Variants in NBPF9 observed in about 807,000 individuals in gnomAD.
The protein encoded by NBPF9 is NBPF member 9.
A neutral mutation model predicts 97.8 loss-of-function variants in NBPF9; 91 were observed. The observed-to-expected ratio is 0.93, with a 90% CI of 0.79 to 1.11. The LOEUF is 1.11. Among genes scored for constraint, NBPF9 ranks in the 50% least tolerant of loss-of-function variants. The pLI, the probability that NBPF9 is intolerant of heterozygous loss-of-function variation, is 0.00. For synonymous variants in NBPF9, 334 were observed against 359.5 expected (o/e 0.93, Z 0.80); for missense variants, 992 against 939.5 (o/e 1.06, Z -0.73).
chr1:149,053,853 C>A (rs1175121611), downstream of NBPF9, among the ~76,000 whole-genome samples: 2 of 147,050 alleles, frequency 1.4e-5, no homozygotes, highest in Non-Finnish European at 3.0e-5. Context: ...TTAACATGAG[C>A]TATACAACCC....
intron 4 of NBPF9, among the ~76,000 whole-genome samples, chr1:149,094,650 A>C (rs2081625919): frequency 6.8e-6 from 1 of 148,122 alleles, no homozygotes; most frequent in African/African-American, 2.7e-5. Context: ...GTAATTCTTT[A>C]AACAAACTTT....
chr1:149,079,954 C>T (rs1320216271), intron 8 of NBPF9, 99 bp downstream of exon 8: 5 of 930,920 alleles, frequency 5.4e-6, no homozygotes, highest in South Asian at 1.3e-5. Context: ...TTCTGCCCTT[C>T]CCCTGGCCCA....
chr1:149,060,406 A>T lies in NBPF9; in HGVS notation c.2476+117T>A. The T allele has an allele frequency of 1.0e-5, 4 of 393,106 alleles. 2 individuals are homozygous for T. The highest frequency in any genetic ancestry group is 1.9e-5 in the Non-Finnish European group (4 of 215,368). 24.4% of individuals were successfully genotyped at this position (393,106 alleles called of 1,614,324 possible). The stretch of plus-strand genomic sequence containing the variant: ...TTTCATTCAACCTACATGTGCCTAT[A>T]GGTCCTCCCTGTGGCAATGACATCT... On this transcript the variant is annotated intron_variant, in intron 24 of 29. Transcript: ENST00000584027.
chr1:149,063,164 A>T (rs1408375492), intron 20 of NBPF9, among the ~76,000 whole-genome samples: 10 of 144,110 alleles, frequency 6.9e-5, no homozygotes, highest in African/African-American at 2.7e-4. Flanking sequence ...AAGTTTGTGC[A>T]AATGGTTATG....
downstream of NBPF9, among the ~76,000 whole-genome samples, chr1:149,053,417 A>ATATC (rs2078019884): frequency 1.5e-5 from 1 of 66,260 alleles, no homozygotes; most frequent in African/African-American, 5.2e-5. Context: ...CAAGCACCTT[A>ATATC]TATCTAGTAA....
chr1:149,074,551 C>T (rs1193072864), intron 12 of NBPF9, among the ~76,000 whole-genome samples: 1 of 151,374 alleles, frequency 6.6e-6, no homozygotes, highest in Non-Finnish European at 1.5e-5. Context: ...TAATTCACTG[C>T]AGCAATTTAC....
chr1:149,073,055 G>A, intron 13 of NBPF9, 123 bp from the exon 14 acceptor site: 1 of 918,182 alleles, frequency 1.1e-6, no homozygotes, highest in South Asian at 1.4e-5. Context: ...GTCAGCACAT[G>A]TTTAAAGGAA....
chr1:149,099,111 C>T (rs1338059969), intron 3 of NBPF9, among the ~76,000 whole-genome samples: 1 of 151,828 alleles, frequency 6.6e-6, no homozygotes, highest in African/African-American at 2.4e-5. Flanking sequence ...AAGTTTTCAC[C>T]AAGTAATACT....
Position 149,055,625 on chromosome 1 carries a change from G to C in NBPF9, c.*31C>G, listed in dbSNP as rs781962746. ...ACGTGCCTATAGGTCCTGCCTGCAG[G>C]AATGACATCTCTCGGCTTAGTAAGG... On this transcript the variant is annotated 3_prime_UTR_variant, in exon 30 of 30. Coordinates refer to ENST00000584027, the Ensembl canonical transcript of NBPF9. 5.6e-6 allele frequency: 9 copies of C among 1,611,500 alleles called. No homozygotes were observed. In the African/African-American group the frequency reaches 8.0e-5, roughly 14 times the overall value.
At chr1:149,076,487 C>T (rs1275540729) in intron 11 of NBPF9, among the ~76,000 whole-genome samples, 13 of 149,516 alleles carry the variant, frequency 8.7e-5, no homozygotes, top group African/African-American at 2.9e-4. Context: ...TGAGCCAGCG[C>T]CCCTGGTCAG....
At chr1:149,080,951 A>G (rs1553656581) in intron 7 of NBPF9, among the ~76,000 whole-genome samples, 1 of 151,610 alleles carries the variant, frequency 6.6e-6, no homozygotes, top group African/African-American at 2.4e-5. Flanking sequence ...ACTTGGATGG[A>G]GCCCAGGAGA....
chr1:149,053,893 C>A (rs2078044971), downstream of NBPF9: 1 of 145,978 alleles, frequency 6.9e-6, no homozygotes, highest in South Asian at 2.2e-4. Context: ...CACACAGACA[C>A]ACACACAGAC....
chr1:149,080,479 T>C (rs1205978277), intron 7 of NBPF9, among the ~76,000 whole-genome samples: 6 of 150,478 alleles, frequency 4.0e-5, no homozygotes, highest in Non-Finnish European at 7.4e-5. Flanking sequence ...CCTTGCAGCC[T>C]CTCCTCTAAA....
In NBPF9 at chr1:149,059,722, T is replaced by G. The variant is rs77814877; in HGVS notation, c.2563A>C (p.Asn855His). 1.9e-5 allele frequency: 11 copies of G among 576,936 alleles called. 4 individuals carry two copies. The highest frequency in any genetic ancestry group is 9.9e-5 in the Admixed American group (4 of 40,556). 35.7% of individuals were successfully genotyped at this position (576,936 alleles called of 1,614,324 possible). A position where few individuals can be genotyped will look rare whatever the true frequency, so the allele number is the denominator to read the frequency against. The change falls in exon 25 of 30, where the codon AAT becomes CAT. Residue 855 changes from asparagine to histidine, a missense_variant. Physicochemically the swap from Asn to His is moderately conservative, Grantham distance 68. This residue lies in a region of NBPF9 where 397 missense variants were observed against 213.6 expected (regional missense o/e 1.86). Transcript: ENST00000584027. Reference sequence around the variant, plus strand: ...CACCTGGGGCATGGTGGGTTTTGATTTTCTTCCCCTTCTTTTCTTCCCCTT... The same window carrying G: ...CACCTGGGGCATGGTGGGTTTTGATGTTCTTCCCCTTCTTTTCTTCCCCTT...
chr1:149,079,386 G>A (rs1302324300), intron 8 of NBPF9, among the ~76,000 whole-genome samples, 165 bp from the exon 9 acceptor site: 1 of 151,750 alleles, frequency 6.6e-6, no homozygotes, highest in Non-Finnish European at 1.5e-5. Flanking sequence ...ATAGAAAATG[G>A]TTTACAGGCT....
exon 30 of NBPF9, chr1:149,055,197 C>A (rs2078125419): frequency 8.8e-6 from 2 of 226,128 alleles, no homozygotes; most frequent in Admixed American, 5.2e-5. Flanking sequence ...CCAAGGATCC[C>A]TCCTGTGTTA....
At chr1:149,077,845 T>G (rs1258109328) in intron 10 of NBPF9, 38 bp downstream of exon 10, 1 of 1,593,688 alleles carries the variant, frequency 6.3e-7, no homozygotes. Context: ...TCTTCATATG[T>G]TACCACCCAT....
chr1:149,062,107 G>A (rs587676107), exon 22 of NBPF9: 11 of 1,196,836 alleles, frequency 9.2e-6, no homozygotes, highest in Admixed American at 1.7e-5. Context: ...CAAGTCAAGA[G>A]CCAAGCCAAG....
exon 16 of NBPF9, chr1:149,071,083 G>T: frequency 1.2e-6 from 2 of 1,610,242 alleles, no homozygotes; most frequent in Non-Finnish European, 1.7e-6. Flanking sequence ...ATAAGTGATG[G>T]CACATTCCTC....
Sources: gnomAD v4.1 joint callset for allele counts (sites outside exome capture counted in the v4.1 genomes callset) on GRCh38, gnomAD v4.1.1 for gene constraint, gnomAD v4.1.1 regional missense constraint, MANE v1.5 for transcripts, NCBI Gene and HGNC (gene_info 2026-07-23, HGNC 2026-07-21) for gene names.